ARFGAP3: variants seen among roughly 807,000 people sequenced by gnomAD.
ARFGAP3 encodes ARF GTPase activating protein 3.
A neutral mutation model predicts 75.0 loss-of-function variants in ARFGAP3; 72 were observed. That is an observed-to-expected ratio of 0.96 (90% CI 0.79 to 1.17). The LOEUF is 1.17. ARFGAP3 is among the 50% of genes most tolerant of loss of function. The pLI, the probability that ARFGAP3 is intolerant of heterozygous loss-of-function variation, is 0.00. For missense variants in ARFGAP3, 620 were observed against 626.6 expected, an observed-to-expected ratio of 0.99 and a Z score of 0.11; for synonymous variants, 221 against 217.9, an observed-to-expected ratio of 1.01 and a Z score of -0.13.
intron 12 of ARFGAP3, 88 bp from the exon 13 acceptor site, chr22:42,808,978 C>CA: frequency 7.5e-7 from 1 of 1,329,846 alleles, no homozygotes; most frequent in Non-Finnish European, 9.7e-7. Context: ...AAAATGCCAA[C>CA]AGCAGTAAAT....
intron 11 of ARFGAP3, among the ~76,000 whole-genome samples, chr22:42,815,925 C>T (rs185688065): frequency 2.0e-5 from 3 of 152,210 alleles, no homozygotes; most frequent in Admixed American, 2.0e-4. Context: ...CCAGCCTGGC[C>T]AACATGGCGA....
At chr22:42,857,047 C>A in intron 1 of ARFGAP3, 67 bp downstream of exon 1, 1 of 1,445,906 alleles carries the variant, frequency 6.9e-7, no homozygotes, top group Non-Finnish European at 9.2e-7. Flanking sequence ...GGCACTGGCG[C>A]CCGCGGGGCC....
At chr22:42,807,328 A>G in intron 13 of ARFGAP3, 165 bp from the exon 14 acceptor site, 1 of 926,750 alleles carries the variant, frequency 1.1e-6, no homozygotes, top group Non-Finnish European at 1.3e-6. Flanking sequence ...GGGACAGCAC[A>G]AAGCTCATGT....
Position 42,827,103 on chromosome 22 carries a change from T to C in ARFGAP3, c.566-104A>G. ...GCTCAGTGCTACATCTTATCCAATT[T>C]TGTCAATGATCACCTACCTTTTTAG... On this transcript the variant is annotated intron_variant, in intron 6 of 15. Transcript: ENST00000263245. 4 of 1,460,470 alleles carry C rather than the reference T, an allele frequency of 2.7e-6. No individual in the cohort carries two copies. The South Asian group carries it at 5.8e-5, about 21-fold the overall frequency. 90.5% of individuals were successfully genotyped at this position (1,460,470 alleles called of 1,614,324 possible). A position where few individuals can be genotyped will look rare whatever the true frequency, so the allele number is the denominator to read the frequency against.
rs1393356303 is a variant in ARFGAP3, at chr22:42,812,330, CAAG to C, written c.1065-1389_1065-1387del. Among the ~76,000 whole-genome samples the C allele has an allele frequency of 2.0e-5, 3 of 151,562 alleles. No homozygotes were observed. In the East Asian group the frequency reaches 5.8e-4, roughly 29 times the overall value. Reference sequence around the variant, plus strand: ...ATATACACACCTCATTAAGGCAGTCCAAGAAGTTCAGAGGAGAGAGGCAGATCC... The same window carrying C: ...ATATACACACCTCATTAAGGCAGTCCAAGTTCAGAGGAGAGAGGCAGATCC... On this transcript the variant is annotated intron_variant, in intron 11 of 15. Coordinates refer to ENST00000263245, the MANE Select transcript of ARFGAP3 (RefSeq NM_014570.5).
At chr22:42,842,781 T>C (rs377419587) in intron 2 of ARFGAP3, among the ~76,000 whole-genome samples, 2 of 152,234 alleles carry the variant, frequency 1.3e-5, no homozygotes, top group African/African-American at 4.8e-5. Flanking sequence ...GCCCTTTGTT[T>C]ATAACTTGTT....
chr22:42,851,367 G>A (rs945168261), intron 1 of ARFGAP3, among the ~76,000 whole-genome samples: 14 of 152,226 alleles, frequency 9.2e-5, no homozygotes, highest in African/African-American at 3.4e-4. Context: ...TACAAGAAGA[G>A]AGCAGTGAGG....
At chr22:42,809,652 G>A (rs1925275204) in intron 12 of ARFGAP3, among the ~76,000 whole-genome samples, 2 of 152,010 alleles carry the variant, frequency 1.3e-5, no homozygotes, top group Admixed American at 6.6e-5. Context: ...GTATGTGCTT[G>A]TCAGAACTGT....
At chr22:42,856,690 G>C (rs950573364) in intron 1 of ARFGAP3, among the ~76,000 whole-genome samples, 6 of 152,170 alleles carry the variant, frequency 3.9e-5, no homozygotes, top group African/African-American at 1.4e-4. Flanking sequence ...AGGCGGGGTC[G>C]AGCTCCAGGG....
Position 42,799,140 on chromosome 22 carries a change from C to T in ARFGAP3, c.1432G>A (p.Val478Met), listed in dbSNP as rs983471578. The stretch of plus-strand genomic sequence containing the variant: ...GCCATGTCGGGGGCGTTGGGCAGCA[C>T]ACTGGACAGGCTGTAGTTCCCTGCA... ...QPAGNYSLSS[V>M]LPNAPDMAQF... The change falls in exon 15 of 16, where the codon GTG becomes ATG. Residue 478 changes from valine to methionine, a missense_variant. Val to Met is a conservative substitution (Grantham distance 21). Coordinates refer to ENST00000263245, the MANE Select transcript of ARFGAP3 (RefSeq NM_014570.5). 5.0e-6 allele frequency: 8 copies of T among 1,614,040 alleles called. No individual in the cohort carries two copies. Among genetic ancestry groups the T allele is most frequent in the Non-Finnish European group, 5.9e-6 (7 of 1,180,030 alleles).
At chr22:42,855,483 T>C (rs1459302008) in intron 1 of ARFGAP3, among the ~76,000 whole-genome samples, 1 of 151,870 alleles carries the variant, frequency 6.6e-6, no homozygotes, top group African/African-American at 2.4e-5. Flanking sequence ...GCCAGGAGTT[T>C]GAGACCAGAG....
At chr22:42,843,587 C>T (rs989237795) in intron 2 of ARFGAP3, among the ~76,000 whole-genome samples, 11 of 152,132 alleles carry the variant, frequency 7.2e-5, no homozygotes, top group African/African-American at 2.7e-4. Flanking sequence ...GCAAATGTTA[C>T]CTCTTTTAAA....
At chr22:42,854,346 C>T (rs562600601) in intron 1 of ARFGAP3, among the ~76,000 whole-genome samples, 17 of 152,320 alleles carry the variant, frequency 1.1e-4, no homozygotes, top group Non-Finnish European at 1.6e-4. Context: ...CACCCTTGGC[C>T]AGGTGCGGTG....
At chr22:42,856,922 C>T (rs527757261) in intron 1 of ARFGAP3, among the ~76,000 whole-genome samples, 192 bp downstream of exon 1, 1 of 150,466 alleles carries the variant, frequency 6.6e-6, no homozygotes, top group Non-Finnish European at 1.5e-5. Flanking sequence ...CGCGCTGCGG[C>T]CTCCCGCCCG....
intron 11 of ARFGAP3, among the ~76,000 whole-genome samples, chr22:42,812,224 CAAAAAAAAAAAAA>C (rs3046479): frequency 1.8e-5 from 1 of 56,630 alleles, no homozygotes; most frequent in Non-Finnish European, 3.2e-5. Flanking sequence ...GATACTGTCT[CAAAAAAAAAAAAA>C]AAAAAAAAAA....
intron 1 of ARFGAP3, among the ~76,000 whole-genome samples, chr22:42,851,531 G>A (rs921148270): frequency 2.0e-5 from 3 of 152,212 alleles, no homozygotes; most frequent in Non-Finnish European, 2.9e-5. Context: ...CACTAAATGC[G>A]AATGCACATG....
At chr22:42,822,674 C>T (rs1925863949) in intron 8 of ARFGAP3, among the ~76,000 whole-genome samples, 1 of 152,158 alleles carries the variant, frequency 6.6e-6, no homozygotes, top group African/African-American at 2.4e-5. Context: ...TGCATTTAAC[C>T]CACGTGTAGC....
intron 8 of ARFGAP3, among the ~76,000 whole-genome samples, chr22:42,823,139 T>C (rs1259927245): frequency 6.6e-6 from 1 of 151,990 alleles, no homozygotes; most frequent in Non-Finnish European, 1.5e-5. Flanking sequence ...CCAAATAATT[T>C]TGATCTGCAA....
chr22:42,835,609 C>T lies in ARFGAP3; in HGVS notation c.262-116G>A, dbSNP rs573286095. 20 of 1,177,688 alleles carry T rather than the reference C, an allele frequency of 1.7e-5. No homozygotes were observed. In the Admixed American group the frequency reaches 2.1e-4, roughly 12 times the overall value. 73.0% of individuals were successfully genotyped at this position (1,177,688 alleles called of 1,614,324 possible). On this transcript the variant is annotated intron_variant, in intron 3 of 15. Coordinates refer to ENST00000263245, the MANE Select transcript of ARFGAP3 (RefSeq NM_014570.5). ...GGCCGAGGCAGGCAGATCACGAGGT[C>T]GGGAGATCAGTACCATCCTGGCTAA...
Sources: gnomAD v4.1 joint callset for allele counts (sites outside exome capture counted in the v4.1 genomes callset) on GRCh38, gnomAD v4.1.1 for gene constraint, MANE v1.5 for transcripts, NCBI Gene and HGNC (gene_info 2026-07-23, HGNC 2026-07-21) for gene names.